The following ERP44 variants were observed in gnomAD, a reference collection of about 807,000 sequenced individuals.
ERP44 encodes endoplasmic reticulum protein 44, also known as endoplasmic reticulum resident protein 44.
In ERP44, 25 loss-of-function variants were observed where a neutral mutation model predicts 53.4. The ratio of observed to expected loss-of-function variants is 0.47; its 90% CI spans 0.34 to 0.65. The LOEUF (loss-of-function observed/expected upper bound fraction) is 0.65, where lower values mean the gene tolerates loss of function less well. Ranked by LOEUF, ERP44 falls within the 30% of genes least tolerant of loss-of-function variation. The probability of loss-of-function intolerance (pLI) is 0.01; values close to 1 mark genes in which losing one functional copy is unlikely to be tolerated. For missense variants in ERP44, 338 were observed against 493.2 expected, an observed-to-expected ratio of 0.69 and a Z score of 2.98; for synonymous variants, 145 against 161.2, an observed-to-expected ratio of 0.90 and a Z score of 0.76.
Position 99,982,236 on chromosome 9 carries a change from C to T in ERP44, c.*376G>A, listed in dbSNP as rs1830155069. 1 of 153,426 alleles carries T rather than the reference C, an allele frequency of 6.5e-6. No individual in the cohort carries two copies. The highest frequency in any genetic ancestry group is 6.5e-5 in the Admixed American group (1 of 15,320). The allele number at this position is 153,426 out of a possible 1,614,324, so 9.5% of individuals were successfully genotyped here. On this transcript the variant is annotated 3_prime_UTR_variant, in exon 12 of 12. Coordinates refer to ENST00000262455, the MANE Select transcript of ERP44 (RefSeq NM_015051.3). ...TACTGAAAATACCAACAGAATTGATCATATGAAAGAAAGAAAAGCACATAC... is the reference window on the plus strand; with the variant it reads ...TACTGAAAATACCAACAGAATTGATTATATGAAAGAAAGAAAAGCACATAC...
chr9:100,007,807 G>A, intron 8 of ERP44, 118 bp from the exon 9 acceptor site: 1 of 673,384 alleles, frequency 1.5e-6, no homozygotes. Context: ...AATATCCCGG[G>A]GGAAAAAAAA....
chr9:100,043,189 G>C (rs1825927508), intron 4 of ERP44, among the ~76,000 whole-genome samples: 1 of 138,892 alleles, frequency 7.2e-6, no homozygotes, highest in African/African-American at 2.7e-5. Context: ...AACCTAGGAG[G>C]TGGAGCTTGC....
At position 100,068,848 on chromosome 9, in the gene ERP44, A is replaced by AG. The variant is rs560480155; in HGVS notation, c.58-8677dup. Among the ~76,000 whole-genome samples, 4 of 152,342 alleles carry AG rather than the reference A, an allele frequency of 2.6e-5. No homozygotes were observed. The South Asian group carries it at 6.2e-4, about 24-fold the overall frequency. ...ACAATGGCGTTTTTGTGGAATGGAA[A>AG]GGGGGGAAAGGTGGGGAAAAGATTG... On this transcript the variant is annotated intron_variant, in intron 1 of 11. Coordinates refer to ENST00000262455, the MANE Select transcript of ERP44 (RefSeq NM_015051.3).
At chr9:99,986,360 C>T (rs1830195655) in intron 10 of ERP44, among the ~76,000 whole-genome samples, 1 of 151,912 alleles carries the variant, frequency 6.6e-6, no homozygotes, top group Non-Finnish European at 1.5e-5. Context: ...TTTTTCATTG[C>T]TTGTCTGAAT....
chr9:100,016,498 A>ATTT, intron 7 of ERP44, 60 bp from the exon 8 acceptor site: 8 of 1,490,666 alleles, frequency 5.4e-6, no homozygotes, highest in Non-Finnish European at 7.1e-6. Flanking sequence ...GTATATTCTT[A>ATTT]TTTTTTTTCT....
chr9:100,005,600 A>G (rs1390088295), intron 10 of ERP44, among the ~76,000 whole-genome samples: 4 of 152,140 alleles, frequency 2.6e-5, no homozygotes, highest in Non-Finnish European at 4.4e-5. Context: ...ACCATTTTTT[A>G]TATACGAAGA....
chr9:100,043,009 C>T (rs555313491), intron 4 of ERP44, among the ~76,000 whole-genome samples: 90 of 151,938 alleles, frequency 5.9e-4, no homozygotes, highest in African/African-American at 2.0e-3. Context: ...CCTGTAATCC[C>T]AGCACTTTGG....
At chr9:100,002,019 G>A (rs145767389) in intron 10 of ERP44, among the ~76,000 whole-genome samples, 75 of 151,042 alleles carry the variant, frequency 5.0e-4, no homozygotes, top group African/African-American at 1.7e-3. Flanking sequence ...TGAGATTTAC[G>A]TAAAATATAA....
At chr9:99,985,522 TA>T (rs1554705226) in intron 10 of ERP44, among the ~76,000 whole-genome samples, 1 of 152,154 alleles carries the variant, frequency 6.6e-6, no homozygotes, top group Non-Finnish European at 1.5e-5. Context: ...TGCGAACCTA[TA>T]ACAAAAATAT....
chr9:100,051,583 G>A (rs1469257685), intron 4 of ERP44, among the ~76,000 whole-genome samples: 1 of 151,886 alleles, frequency 6.6e-6, no homozygotes, highest in African/African-American at 2.4e-5. Flanking sequence ...TCTTAAAAGT[G>A]AGCATTAAAA....
chr9:100,028,481 T>A (rs1193521811), intron 4 of ERP44, among the ~76,000 whole-genome samples: 1 of 152,258 alleles, frequency 6.6e-6, no homozygotes, highest in African/African-American at 2.4e-5. Context: ...ATTGTGTGCA[T>A]ATGTACATGC....
At chr9:99,988,979 G>T (rs1830224687) in intron 10 of ERP44, among the ~76,000 whole-genome samples, 1 of 152,252 alleles carries the variant, frequency 6.6e-6, no homozygotes, top group South Asian at 2.1e-4. Flanking sequence ...AGCCTGGCTG[G>T]AGGAGGGGTG....
Position 100,046,691 on chromosome 9 carries a change from C to T in ERP44, c.286+5726G>A, listed in dbSNP as rs140000711. On this transcript the variant is annotated intron_variant, in intron 4 of 11. Coordinates refer to ENST00000262455, the MANE Select transcript of ERP44 (RefSeq NM_015051.3). Reference sequence around the variant, plus strand: ...TCAGTATCATTAAAATAACAATTTCCCACAAATTGCCCTGAGGATTCAAAG... The same window carrying T: ...TCAGTATCATTAAAATAACAATTTCTCACAAATTGCCCTGAGGATTCAAAG... Among the ~76,000 whole-genome samples the T allele has an allele frequency of 7.3e-3, 1,103 of 152,126 alleles. 19 individuals are homozygous for T. Among genetic ancestry groups the T allele is most frequent in the African/African-American group, 0.025 (1,052 of 41,488 alleles).
rs368548590 is a variant in ERP44, at chr9:100,018,983, C to T, written c.588-670G>A. Among the ~76,000 whole-genome samples, 33 of 152,174 alleles carry T rather than the reference C, an allele frequency of 2.2e-4. 2 individuals are homozygous for T. The highest frequency in any genetic ancestry group is 1.5e-3 in the East Asian group (8 of 5,182). ...AGCTATGGTCTTGGCATTGGATAAACGGGAGTGAACAAAACTATCAAAACT... is the reference window on the plus strand; with the variant it reads ...AGCTATGGTCTTGGCATTGGATAAATGGGAGTGAACAAAACTATCAAAACT... On this transcript the variant is annotated intron_variant, in intron 6 of 11. Transcript: ENST00000262455.
At chr9:100,048,535 G>A (rs1826001813) in intron 4 of ERP44, among the ~76,000 whole-genome samples, 1 of 151,828 alleles carries the variant, frequency 6.6e-6, no homozygotes, top group Non-Finnish European at 1.5e-5. Context: ...AAAAAACTGG[G>A]AACTTTCTTT....
chr9:100,098,581 C>G lies in ERP44; in HGVS notation c.57+203G>C, dbSNP rs571854199. On this transcript the variant is annotated intron_variant, in intron 1 of 11. Coordinates refer to ENST00000262455, the MANE Select transcript of ERP44 (RefSeq NM_015051.3). The stretch of plus-strand genomic sequence containing the variant: ...GTCCCTCAGGGCTAATTCTCCCATT[C>G]TCCCCCGACACTGGTTTCTCAGGCC... Among the ~76,000 whole-genome samples the G allele has an allele frequency of 5.3e-5, 8 of 152,352 alleles. No homozygotes were observed. The South Asian group carries it at 1.7e-3, about 32-fold the overall frequency.
intron 1 of ERP44, among the ~76,000 whole-genome samples, chr9:100,065,360 T>C (rs1826198842): frequency 6.6e-6 from 1 of 152,204 alleles, no homozygotes; most frequent in Non-Finnish European, 1.5e-5. Context: ...AAGTATATTC[T>C]ATGACGTTTG....
chr9:99,990,355 A>G (rs1481060198), intron 10 of ERP44, among the ~76,000 whole-genome samples: 10 of 152,246 alleles, frequency 6.6e-5, no homozygotes, highest in Admixed American at 6.5e-4. Context: ...GTAGGGGCCA[A>G]TATTCAACAT....
chr9:100,037,222 C>T (rs1825855290), intron 4 of ERP44, among the ~76,000 whole-genome samples: 1 of 152,144 alleles, frequency 6.6e-6, no homozygotes, highest in South Asian at 2.1e-4. Context: ...CTCAGGGCTT[C>T]CCTGTTATAG....
Sources: gnomAD v4.1 joint callset for allele counts (sites outside exome capture counted in the v4.1 genomes callset) on GRCh38, gnomAD v4.1.1 for gene constraint, MANE v1.5 for transcripts, NCBI Gene and HGNC (gene_info 2026-07-23, HGNC 2026-07-21) for gene names.